Variants in PCDHA2 observed in about 807,000 individuals in gnomAD.
PCDHA2 encodes protocadherin alpha-2.
In PCDHA2, 58 loss-of-function variants were observed where a neutral mutation model predicts 66.0. The ratio of observed to expected loss-of-function variants is 0.88; its 90% CI spans 0.71 to 1.09. The LOEUF (loss-of-function observed/expected upper bound fraction) is 1.09, where lower values mean the gene tolerates loss of function less well. Ranked by LOEUF, PCDHA2 falls within the 50% of genes least tolerant of loss-of-function variation. The probability of loss-of-function intolerance (pLI) is 0.00; values close to 1 mark genes in which losing one functional copy is unlikely to be tolerated. For missense variants in PCDHA2, 1,267 were observed against 1,242.3 expected, an observed-to-expected ratio of 1.02 and a Z score of -0.30; for synonymous variants, 634 against 554.0, an observed-to-expected ratio of 1.14 and a Z score of -2.03.
At chr5:140,882,592 G>T in intron 1 of PCDHA2, 1 of 1,614,272 alleles carries the variant, frequency 6.2e-7, no homozygotes, top group Non-Finnish European at 8.5e-7. Context: ...ACCTGGAGGT[G>T]ATCGTGGACA....
chr5:140,869,943 C>T (rs781893563), intron 1 of PCDHA2: 10 of 1,612,248 alleles, frequency 6.2e-6, no homozygotes, highest in Non-Finnish European at 7.6e-6. Context: ...TAACATACTC[C>T]TTAATGTCAA....
At chr5:140,828,935 A>G in intron 1 of PCDHA2, 1 of 1,614,238 alleles carries the variant, frequency 6.2e-7, no homozygotes, top group Non-Finnish European at 8.5e-7. Flanking sequence ...ATATTCTTTT[A>G]ATAGCCTTGT....
intron 1 of PCDHA2, among the ~76,000 whole-genome samples, chr5:140,819,281 GA>G (rs1766526408): frequency 6.6e-6 from 1 of 152,032 alleles, no homozygotes; most frequent in Admixed American, 6.6e-5. Flanking sequence ...GATAAGAGAA[GA>G]AAAATATAGC....
In PCDHA2 at chr5:140,870,942, G is replaced by A. The variant is rs782286042; in HGVS notation, c.2388+73590G>A. ...GGCTTTCATATGAATTGCAGCCGGC[G>A]GCGGGCGGCTCGCGCATCCCGTTCC... On this transcript the variant is annotated intron_variant, in intron 1 of 3. Transcript: ENST00000526136. The A allele has an allele frequency of 5.0e-6, 8 of 1,613,740 alleles. No individual in the cohort carries two copies. The Admixed American group carries it at 6.7e-5, about 13-fold the overall frequency.
At chr5:140,848,426 G>A in intron 1 of PCDHA2, 1 of 1,449,988 alleles carries the variant, frequency 6.9e-7, no homozygotes, top group Non-Finnish European at 9.4e-7. Context: ...GAATGGGACT[G>A]ACGAAATCAG....
chr5:140,972,359 A>T (rs1466504264), intron 1 of PCDHA2, among the ~76,000 whole-genome samples: 3 of 151,418 alleles, frequency 2.0e-5, no homozygotes, highest in Non-Finnish European at 4.4e-5. Flanking sequence ...TATGTTGCAC[A>T]TGCTGTTAGT....
At chr5:140,802,374 G>C (rs782803218) in intron 1 of PCDHA2, 2 of 1,614,200 alleles carry the variant, frequency 1.2e-6, no homozygotes, top group Admixed American at 3.3e-5. Flanking sequence ...GACGCCCCAC[G>C]TCCCCTTCAA....
intron 3 of PCDHA2, among the ~76,000 whole-genome samples, chr5:140,992,803 G>A (rs2097529196): frequency 6.6e-6 from 1 of 152,146 alleles, no homozygotes; most frequent in African/African-American, 2.4e-5. Context: ...GGATCCATAT[G>A]TATCTAAGGA....
At chr5:140,991,417 C>G (rs782178829) in intron 3 of PCDHA2, among the ~76,000 whole-genome samples, 79 of 152,196 alleles carry the variant, frequency 5.2e-4, no homozygotes, top group Admixed American at 1.5e-3. Context: ...TATGCTATAA[C>G]AAATTAACCA....
intron 1 of PCDHA2, among the ~76,000 whole-genome samples, chr5:140,874,504 C>A (rs2054953142): frequency 6.6e-6 from 1 of 152,198 alleles, no homozygotes; most frequent in Admixed American, 6.5e-5. Flanking sequence ...AGTTCACATT[C>A]TCTTGACTTT....
Position 140,795,042 on chromosome 5 carries a change from G to A in PCDHA2, c.78G>A (p.Val26=), listed in dbSNP as rs1761908314. The change falls in exon 1 of 4, where the codon GTG becomes GTA. Residue 26 remains valine (V), a synonymous_variant. Coordinates refer to ENST00000526136, the MANE Select transcript of PCDHA2 (RefSeq NM_018905.3). Reference sequence around the variant, plus strand: ...TTCTGCTCCTCGCAGCCTGGGAGGTGGGGAGCGGCCAGCTCCGCTACTCCG... The same window carrying A: ...TTCTGCTCCTCGCAGCCTGGGAGGTAGGGAGCGGCCAGCTCCGCTACTCCG... The part of the protein sequence containing the change: ...LSLLLLAAWE[V]GSGQLRYSVP... 3 of 1,613,874 alleles carry A rather than the reference G, an allele frequency of 1.9e-6. No homozygotes were observed. Among genetic ancestry groups the A allele is most frequent in the Non-Finnish European group, 2.5e-6 (3 of 1,179,996 alleles).
At chr5:140,824,021 A>C (rs1767971834) in intron 1 of PCDHA2, 11 of 1,613,948 alleles carry the variant, frequency 6.8e-6, no homozygotes, top group Non-Finnish European at 9.3e-6. Context: ...AGCTGGTCGT[A>C]CTCGCAGCAG....
At chr5:140,968,639 GC>G in intron 1 of PCDHA2, 1 of 1,614,150 alleles carries the variant, frequency 6.2e-7, no homozygotes, top group Non-Finnish European at 8.5e-7. Context: ...TTACCATCTA[GC>G]CCAGACTTCT....
intron 1 of PCDHA2, chr5:140,835,661 C>G: frequency 6.2e-7 from 1 of 1,613,886 alleles, no homozygotes; most frequent in Non-Finnish European, 8.5e-7. Flanking sequence ...TGGTGGTTAC[C>G]GCGCGGGACG....
At chr5:140,828,537 A>T (rs2150156505) in intron 1 of PCDHA2, 2 of 1,614,236 alleles carry the variant, frequency 1.2e-6, no homozygotes, top group South Asian at 1.1e-5. Flanking sequence ...AGGCTGCCAG[A>T]TTCTGTGTTT....
chr5:140,795,166 T>C lies in PCDHA2; in HGVS notation c.202T>C (p.Ser68Pro). 2 of 1,613,886 alleles carry C rather than the reference T, an allele frequency of 1.2e-6. No homozygotes were observed. Among genetic ancestry groups the C allele is most frequent in the East Asian group, 2.2e-5 (1 of 44,870 alleles). ...GGTGCCGCGCCTGTTCCGGGTGGCG[T>C]CCAAAAGACACGGGGACCTTCTGGA... ...ELVPRLFRVA[S>P]KRHGDLLEVN... The change falls in exon 1 of 4, where the codon TCC (serine) becomes CCC (proline). Residue 68 changes from serine to proline, a missense_variant. Ser to Pro is a moderately conservative substitution (Grantham distance 74, BLOSUM62 -1). Transcript: ENST00000526136.
chr5:140,903,020 A>G lies in PCDHA2; in HGVS notation c.2389-75929A>G, dbSNP rs375776888. ...AATTGTGAATTGTGCTGCTATCAAC[A>G]TGGCTTGCACATGTGTCTTTTTCAT... On this transcript the variant is annotated intron_variant, in intron 1 of 3. Coordinates refer to ENST00000526136, the MANE Select transcript of PCDHA2 (RefSeq NM_018905.3). Among the ~76,000 whole-genome samples the G allele has an allele frequency of 2.4e-4, 36 of 152,312 alleles. No homozygotes were observed. In the East Asian group the frequency reaches 6.4e-3, roughly 27 times the overall value.
At chr5:140,953,527 A>T (rs531720224) in intron 1 of PCDHA2, among the ~76,000 whole-genome samples, 153 of 152,150 alleles carry the variant, frequency 1.0e-3, no homozygotes, top group African/African-American at 2.9e-3. Flanking sequence ...AAAACGGGAA[A>T]CTCACTTCAT....
At chr5:140,835,908 T>A in intron 1 of PCDHA2, 1 of 1,612,190 alleles carries the variant, frequency 6.2e-7, no homozygotes, top group Admixed American at 1.7e-5. Flanking sequence ...GAGCTACGTG[T>A]CAGTGCACGC....
Sources: gnomAD v4.1 joint callset for allele counts (sites outside exome capture counted in the v4.1 genomes callset) on GRCh38, gnomAD v4.1.1 for gene constraint, MANE v1.5 for transcripts, NCBI Gene and HGNC (gene_info 2026-07-23, HGNC 2026-07-21) for gene names.